Variants in EEFSEC observed in about 807,000 individuals in gnomAD.
EEFSEC encodes eukaryotic elongation factor, selenocysteine-tRNA specific.
Under a neutral mutation model 42.1 loss-of-function variants are expected in EEFSEC, and 43 were observed. That is an observed-to-expected ratio of 1.02 (90% CI 0.80 to 1.32). The LOEUF (loss-of-function observed/expected upper bound fraction) is 1.32. Ranked by LOEUF, EEFSEC falls within the 40% of genes most tolerant of loss-of-function variation. EEFSEC has a pLI of 0.00. For missense variants in EEFSEC, 745 were observed against 803.6 expected, an observed-to-expected ratio of 0.93 and a Z score of 0.88; for synonymous variants, 354 against 339.1, an observed-to-expected ratio of 1.04 and a Z score of -0.48.
chr3:128,408,125 C>G lies in EEFSEC; in HGVS notation c.1657C>G (p.Arg553Gly), dbSNP rs375322409. The change falls in exon 7 of 7, where the codon CGG becomes GGG. Residue 553 changes from arginine to glycine, a missense_variant. Coordinates refer to ENST00000254730, the MANE Select transcript of EEFSEC (RefSeq NM_021937.5). ...ILTPALKKRA[R>G]AGRGEATRQE... ...GACACCCGCCCTCAAGAAGCGGGCC[C>G]GGGCTGGCCGTGGGGAGGCCACCAG... The G allele has an allele frequency of 1.2e-6, 2 of 1,610,136 alleles. No individual in the cohort carries two copies.
Position 128,407,274 on chromosome 3 carries a change from G to T in EEFSEC, c.1601-795G>T, listed in dbSNP as rs1326495748. Among the ~76,000 whole-genome samples the T allele has an allele frequency of 2.0e-5, 3 of 152,244 alleles. No individual in the cohort carries two copies. In the East Asian group the frequency reaches 5.8e-4, roughly 29 times the overall value. ...AGCAACTCATAGAGGTAGCTGGAAA[G>T]CGGTGGGGGCTGCACCCACCCAAGC... On this transcript the variant is annotated intron_variant, in intron 6 of 6. Transcript: ENST00000254730.
intron 3 of EEFSEC, among the ~76,000 whole-genome samples, 181 bp from the exon 4 acceptor site, chr3:128,264,436 T>G (rs1214280056): frequency 6.6e-6 from 1 of 152,160 alleles, no homozygotes; most frequent in East Asian, 1.9e-4. Flanking sequence ...AAGCTTGGAA[T>G]GCAGTCAGGG....
At chr3:128,387,752 A>C (rs1470953929) in intron 6 of EEFSEC, among the ~76,000 whole-genome samples, 1 of 151,782 alleles carries the variant, frequency 6.6e-6, no homozygotes, top group Non-Finnish European at 1.5e-5. Context: ...TGGGGAAAGG[A>C]ATGTGCACCT....
the EEFSEC span, among the ~76,000 whole-genome samples, chr3:128,424,255 G>A: frequency 0.12 from 18,728 of 152,228 alleles, 1,528 homozygotes; most frequent in East Asian, 0.29. Flanking sequence ...TCCTCAATGG[G>A]CAGAAAGTAA....
At position 128,313,337 on chromosome 3, in the gene EEFSEC, C is replaced by G. The variant is rs577613158; in HGVS notation, c.787-27896C>G. On this transcript the variant is annotated intron_variant, in intron 4 of 6. Coordinates refer to ENST00000254730, the MANE Select transcript of EEFSEC (RefSeq NM_021937.5). ...GGAGATGCAAGGAAGGGTTTATCCT[C>G]CTGGCAACAGGGTTGCACTCATGTT... Among the ~76,000 whole-genome samples, 12 of 152,376 alleles carry G rather than the reference C, an allele frequency of 7.9e-5. No individual in the cohort carries two copies. The East Asian group carries it at 1.5e-3, about 20-fold the overall frequency.
At chr3:128,175,746 A>G (rs2065341762) in intron 1 of EEFSEC, among the ~76,000 whole-genome samples, 1 of 152,170 alleles carries the variant, frequency 6.6e-6, no homozygotes, top group South Asian at 2.1e-4. Context: ...TCTTTTTCAG[A>G]AGGAGGGAGA....
At chr3:128,312,108 G>A (rs532580653) in intron 4 of EEFSEC, among the ~76,000 whole-genome samples, 16 of 152,320 alleles carry the variant, frequency 1.1e-4, no homozygotes, top group African/African-American at 3.6e-4. Flanking sequence ...TGGCTGTACC[G>A]TCAAGAGTTC....
At chr3:128,153,879 C>T (rs897233967) in intron 1 of EEFSEC, 56 bp downstream of exon 1, 54 of 1,442,454 alleles carry the variant, frequency 3.7e-5, no homozygotes, top group Non-Finnish European at 4.4e-5. Flanking sequence ...AGCGACCGGG[C>T]CCCGTGTCCG....
intron 4 of EEFSEC, among the ~76,000 whole-genome samples, chr3:128,314,809 G>C (rs1362378255): frequency 6.6e-6 from 1 of 152,218 alleles, no homozygotes; most frequent in African/African-American, 2.4e-5. Context: ...AACTTTCCCA[G>C]AGGTGGGGGA....
At chr3:128,269,042 C>A (rs1015038520) in intron 4 of EEFSEC, among the ~76,000 whole-genome samples, 1 of 152,204 alleles carries the variant, frequency 6.6e-6, no homozygotes, top group Non-Finnish European at 1.5e-5. Flanking sequence ...CCCTGCTCAC[C>A]ATCTTGGGCT....
At chr3:128,203,461 C>G (rs1219099909) in intron 1 of EEFSEC, among the ~76,000 whole-genome samples, 1 of 152,166 alleles carries the variant, frequency 6.6e-6, no homozygotes, top group African/African-American at 2.4e-5. Context: ...ATAAGGAAGG[C>G]AAATGTCAGC....
chr3:128,383,116 A>C (rs2067796824), intron 6 of EEFSEC, among the ~76,000 whole-genome samples: 1 of 152,100 alleles, frequency 6.6e-6, no homozygotes, highest in African/African-American at 2.4e-5. Flanking sequence ...GCCCCTCTGA[A>C]TACCCTTTCC....
At chr3:128,255,678 C>T (rs1425610693) in intron 2 of EEFSEC, among the ~76,000 whole-genome samples, 1 of 152,126 alleles carries the variant, frequency 6.6e-6, no homozygotes. Flanking sequence ...GATGGGTAAA[C>T]AGAAGTGGGA....
intron 1 of EEFSEC, among the ~76,000 whole-genome samples, chr3:128,198,699 C>CT (rs1311961895): frequency 6.6e-6 from 1 of 152,158 alleles, no homozygotes; most frequent in Non-Finnish European, 1.5e-5. Flanking sequence ...AAGAGTGTTG[C>CT]TGGCACCTTT....
chr3:128,423,351 T>C, the EEFSEC span, among the ~76,000 whole-genome samples: 1 of 152,184 alleles, frequency 6.6e-6, no homozygotes, highest in African/African-American at 2.4e-5. Context: ...CAGTGGCTCA[T>C]GTCTGAAATC....
At chr3:128,364,958 G>A (rs192073350) in intron 6 of EEFSEC, among the ~76,000 whole-genome samples, 1 of 152,252 alleles carries the variant, frequency 6.6e-6, no homozygotes, top group Non-Finnish European at 1.5e-5. Context: ...GGGGCCAGCA[G>A]GAGTAAGTGG....
chr3:128,322,884 C>T (rs1423585125), intron 4 of EEFSEC, among the ~76,000 whole-genome samples: 5 of 152,190 alleles, frequency 3.3e-5, no homozygotes, highest in African/African-American at 4.8e-5. Flanking sequence ...GCTTGACTGA[C>T]ATCCAGCTGT....
intron 1 of EEFSEC, among the ~76,000 whole-genome samples, chr3:128,182,835 T>G (rs577931324): frequency 7.9e-6 from 1 of 127,100 alleles, no homozygotes; most frequent in Non-Finnish European, 1.6e-5. Flanking sequence ...TGGCGACCAC[T>G]GTGGCTTTGG....
the EEFSEC span, among the ~76,000 whole-genome samples, chr3:128,414,716 C>G: frequency 6.6e-6 from 1 of 152,238 alleles, no homozygotes; most frequent in African/African-American, 2.4e-5. Context: ...ACTAACTTCA[C>G]CGCCATCATC....
Sources: gnomAD v4.1 joint callset for allele counts (sites outside exome capture counted in the v4.1 genomes callset) on GRCh38, gnomAD v4.1.1 for gene constraint, MANE v1.5 for transcripts, NCBI Gene and HGNC (gene_info 2026-07-23, HGNC 2026-07-21) for gene names.